TGFBI: variants seen among roughly 807,000 people sequenced by gnomAD.
TGFBI encodes transforming growth factor-beta-induced protein ig-h3.
In TGFBI, 50 loss-of-function variants were observed where a neutral mutation model predicts 73.7. The ratio of observed to expected loss-of-function variants is 0.68; its 90% CI spans 0.54 to 0.86. The LOEUF is 0.86. Ranked by LOEUF, TGFBI falls within the 40% of genes least tolerant of loss-of-function variation. The pLI, the probability that TGFBI is intolerant of heterozygous loss-of-function variation, is 0.00. For missense variants in TGFBI, 839 were observed against 877.0 expected (o/e 0.96, Z 0.55); for synonymous variants, 362 against 360.5 (o/e 1.00, Z -0.05).
intron 2 of TGFBI, among the ~76,000 whole-genome samples, chr5:136,036,757 T>C (rs1316330490): frequency 1.3e-5 from 2 of 152,030 alleles, no homozygotes; most frequent in Non-Finnish European, 2.9e-5. Context: ...ACAGTAGTGG[T>C]TGGGGCAAAA....
intron 2 of TGFBI, among the ~76,000 whole-genome samples, chr5:136,035,044 G>C (rs1751189420): frequency 6.6e-6 from 1 of 152,228 alleles, no homozygotes; most frequent in Admixed American, 6.5e-5. Flanking sequence ...CCCTGATTAT[G>C]TTAGGCAATT....
At chr5:136,043,664 C>A (rs917927983) in intron 2 of TGFBI, among the ~76,000 whole-genome samples, 7 of 152,214 alleles carry the variant, frequency 4.6e-5, no homozygotes, top group Admixed American at 3.9e-4. Context: ...GACTCAGAGC[C>A]AGAGCTGGTG....
chr5:136,052,676 C>A (rs1751556607), intron 7 of TGFBI, among the ~76,000 whole-genome samples: 1 of 152,188 alleles, frequency 6.6e-6, no homozygotes, highest in South Asian at 2.1e-4. Flanking sequence ...TTCAAAGAGG[C>A]TAAATGACTC....
intron 7 of TGFBI, 41 bp from the exon 8 acceptor site, chr5:136,052,866 G>A: frequency 1.3e-6 from 2 of 1,594,716 alleles, no homozygotes; most frequent in East Asian, 2.2e-5. Context: ...AGGTTATCGT[G>A]GAGTGGACCC....
At chr5:136,061,035 C>A in intron 14 of TGFBI, 99 bp downstream of exon 14, 1 of 867,978 alleles carries the variant, frequency 1.2e-6, no homozygotes, top group Non-Finnish European at 1.7e-6. Flanking sequence ...ATGAGAATAA[C>A]ATGTAATTGT....
intron 2 of TGFBI, among the ~76,000 whole-genome samples, chr5:136,037,471 G>T (rs1158636114): frequency 6.6e-6 from 1 of 152,126 alleles, no homozygotes; most frequent in Non-Finnish European, 1.5e-5. Context: ...CTTCCTTTGT[G>T]CTAGCCCCAG....
At chr5:136,061,025 A>G in intron 14 of TGFBI, 89 bp downstream of exon 14, 1 of 920,510 alleles carries the variant, frequency 1.1e-6, no homozygotes, top group Non-Finnish European at 1.6e-6. Context: ...CTAAACAATG[A>G]TGAGAATAAC....
At chr5:136,036,833 G>A (rs530669317) in intron 2 of TGFBI, among the ~76,000 whole-genome samples, 5 of 152,194 alleles carry the variant, frequency 3.3e-5, no homozygotes, top group Non-Finnish European at 7.3e-5. Flanking sequence ...AGAGAAGGAG[G>A]CTGGAGCAGA....
At chr5:136,040,285 G>A (rs1435289237) in intron 2 of TGFBI, among the ~76,000 whole-genome samples, 2 of 152,098 alleles carry the variant, frequency 1.3e-5, no homozygotes, top group Non-Finnish European at 1.5e-5. Context: ...TAAATTAGGT[G>A]CCTTCCCTAA....
At chr5:136,055,007 A>G (rs764369963) in intron 10 of TGFBI, 146 bp downstream of exon 10, 3 of 994,948 alleles carry the variant, frequency 3.0e-6, no homozygotes, top group African/African-American at 1.6e-5. Context: ...GAAAATATAG[A>G]TAACAAAATG....
At chr5:136,029,295 C>T (rs1751065730) in intron 1 of TGFBI, 106 bp downstream of exon 1, 1 of 1,282,678 alleles carries the variant, frequency 7.8e-7, no homozygotes, top group East Asian at 3.0e-5. Flanking sequence ...GGGGACAAAG[C>T]CCGAACTAAA....
chr5:136,060,753 C>T (rs1751733165), intron 13 of TGFBI, 81 bp from the exon 14 acceptor site: 2 of 1,111,604 alleles, frequency 1.8e-6, no homozygotes, highest in Non-Finnish European at 2.5e-6. Context: ...GTTCAGTAAA[C>T]ACTTGCTGAA....
At chr5:136,041,406 G>C (rs1256156017) in intron 2 of TGFBI, among the ~76,000 whole-genome samples, 2 of 152,220 alleles carry the variant, frequency 1.3e-5, no homozygotes, top group Non-Finnish European at 2.9e-5. Flanking sequence ...GGTGCTGAAA[G>C]ACCACATGGA....
rs769962801 is a variant in TGFBI, at chr5:136,060,944, T to A, written c.1906+8T>A. The stretch of plus-strand genomic sequence containing the variant: ...ATGTTCTGCAGCCTCCAGGTAAGTG[T>A]CGCATCCCCACTGACTCTGCAGCCA... On this transcript the variant is annotated splice_region_variant and intron_variant, in intron 14 of 16. Coordinates refer to ENST00000442011, the MANE Select transcript of TGFBI (RefSeq NM_000358.3). 1 of 1,552,388 alleles carries A rather than the reference T, an allele frequency of 6.4e-7. No individual in the cohort carries two copies. The highest frequency in any genetic ancestry group is 2.3e-5 in the East Asian group (1 of 43,790).
At position 136,053,135 on chromosome 5, in the gene TGFBI, G is replaced by A. The variant is rs749237119; in HGVS notation, c.1126+16G>A. 36 of 1,610,014 alleles carry A rather than the reference G, an allele frequency of 2.2e-5. 1 individual carries two copies. The South Asian group carries it at 2.4e-4, about 11-fold the overall frequency. ...CCAGACTCAGGTAGGCCAGGCCTCC[G>A]GGGGCCTTGGCCCTGCCTGGCCCAC... is the stretch of plus-strand genomic sequence containing the variant. On this transcript the variant is annotated intron_variant, in intron 8 of 16. Coordinates refer to ENST00000442011, the MANE Select transcript of TGFBI (RefSeq NM_000358.3).
intron 2 of TGFBI, among the ~76,000 whole-genome samples, chr5:136,038,764 G>A (rs1382975441): frequency 2.0e-5 from 3 of 151,716 alleles, no homozygotes; most frequent in African/African-American, 7.3e-5. Flanking sequence ...AGTCAGAGAA[G>A]GCAACGTGAT....
At chr5:136,031,415 A>C (rs1751117949) in intron 1 of TGFBI, among the ~76,000 whole-genome samples, 1 of 152,242 alleles carries the variant, frequency 6.6e-6, no homozygotes, top group Admixed American at 6.5e-5. Context: ...AAGAAATAAC[A>C]GCTGTGCCTT....
chr5:136,055,597 C>G, intron 10 of TGFBI, 83 bp from the exon 11 acceptor site: 1 of 1,312,718 alleles, frequency 7.6e-7, no homozygotes, highest in Non-Finnish European at 1.0e-6. Flanking sequence ...GGATAATGAC[C>G]CTGCTACATG....
intron 4 of TGFBI, 55 bp from the exon 5 acceptor site, chr5:136,046,796 A>G: frequency 6.4e-7 from 1 of 1,566,726 alleles, no homozygotes; most frequent in Non-Finnish European, 8.7e-7. Context: ...GCAAGGACCC[A>G]TCTCTTAAAC....
Sources: gnomAD v4.1 joint callset for allele counts (sites outside exome capture counted in the v4.1 genomes callset) on GRCh38, gnomAD v4.1.1 for gene constraint, MANE v1.5 for transcripts, NCBI Gene and HGNC (gene_info 2026-07-23, HGNC 2026-07-21) for gene names.